METTL15: variants seen among roughly 807,000 people sequenced by gnomAD.
METTL15 encodes the protein methyltransferase 15, mitochondrial 12S rRNA N4-cytidine.
METTL15 carries 34 observed loss-of-function variants against 38.3 expected under a neutral mutation model. That is an observed-to-expected ratio of 0.89 (90% CI 0.68 to 1.18). The LOEUF (loss-of-function observed/expected upper bound fraction) is 1.18. Among genes scored for constraint, METTL15 ranks in the 50% most tolerant of loss-of-function variants. The pLI, the probability that METTL15 is intolerant of heterozygous loss-of-function variation, is 0.00. For missense variants in METTL15, 438 were observed against 498.4 expected, an observed-to-expected ratio of 0.88 and a Z score of 1.15; for synonymous variants, 162 against 170.9, an observed-to-expected ratio of 0.95 and a Z score of 0.41.
chr11:28,289,561 A>G (rs1285157061), intron 4 of METTL15, among the ~76,000 whole-genome samples: 1 of 152,170 alleles, frequency 6.6e-6, no homozygotes, highest in Non-Finnish European at 1.5e-5. Context: ...TGTAGGAAGA[A>G]GAATTAGTAT....
At chr11:28,226,718 T>C (rs2133874916) in intron 4 of METTL15, among the ~76,000 whole-genome samples, 1 of 152,018 alleles carries the variant, frequency 6.6e-6, no homozygotes, top group Admixed American at 6.6e-5. Context: ...GAGTCAAGAC[T>C]GAAACCCAAG....
chr11:28,349,360 T>C (rs116611694), intron 3 of METTL15, among the ~76,000 whole-genome samples: 1,910 of 152,296 alleles, frequency 0.013, 38 homozygotes, highest in African/African-American at 0.044. Flanking sequence ...CTGCCTTCCT[T>C]ATCTGGGCAG....
intron 5 of METTL15, among the ~76,000 whole-genome samples, chr11:28,387,898 G>A (rs1236292765): frequency 6.6e-6 from 1 of 152,072 alleles, no homozygotes; most frequent in African/African-American, 2.4e-5. Flanking sequence ...TTCAGCAAAT[G>A]AAAGTCAATT....
intron 4 of METTL15, among the ~76,000 whole-genome samples, chr11:28,226,881 T>C (rs1223838109): frequency 1.3e-5 from 2 of 151,920 alleles, no homozygotes; most frequent in Non-Finnish European, 2.9e-5. Context: ...TGTCATACAC[T>C]GTCAAAGTGA....
intron 4 of METTL15, among the ~76,000 whole-genome samples, chr11:28,228,446 T>C (rs1441539226): frequency 1.3e-5 from 2 of 151,992 alleles, no homozygotes; most frequent in African/African-American, 4.8e-5. Flanking sequence ...CTTAGAACAC[T>C]GTCTAGCATA....
intron 4 of METTL15, among the ~76,000 whole-genome samples, chr11:28,228,328 C>T (rs778683729): frequency 6.7e-6 from 1 of 149,428 alleles, no homozygotes; most frequent in African/African-American, 2.5e-5. Flanking sequence ...GCTATTTACT[C>T]ACTATAAAAC....
At chr11:28,322,993 T>C (rs553106819) in intron 6 of METTL15, among the ~76,000 whole-genome samples, 11 of 152,272 alleles carry the variant, frequency 7.2e-5, no homozygotes, top group Non-Finnish European at 1.5e-4. Context: ...AACTAAGTTG[T>C]AGATTATTTT....
chr11:28,286,447 TC>T (rs1266650459), intron 4 of METTL15, among the ~76,000 whole-genome samples: 1 of 152,154 alleles, frequency 6.6e-6, no homozygotes, highest in African/African-American at 2.4e-5. Context: ...AATTATGAGT[TC>T]CTTTTAGAAT....
intron 3 of METTL15, among the ~76,000 whole-genome samples, chr11:28,205,879 G>A (rs1224121725): frequency 6.7e-6 from 1 of 149,602 alleles, no homozygotes; most frequent in Non-Finnish European, 1.5e-5. Flanking sequence ...ATTTTTTCAT[G>A]TGTTTTTTGG....
At chr11:28,174,262 G>A (rs1240824227) in intron 3 of METTL15, among the ~76,000 whole-genome samples, 2 of 150,520 alleles carry the variant, frequency 1.3e-5, no homozygotes, top group East Asian at 2.0e-4. Flanking sequence ...ACTTAAGAAC[G>A]ATTGTTTTTG....
intron 6 of METTL15, among the ~76,000 whole-genome samples, chr11:28,430,942 G>A (rs1850920348): frequency 9.0e-6 from 1 of 110,738 alleles, no homozygotes; most frequent in Admixed American, 9.0e-5. Context: ...CCCCGTCCGG[G>A]AGGTGAGGGG....
intron 4 of METTL15, among the ~76,000 whole-genome samples, chr11:28,249,632 T>G (rs975827948): frequency 6.6e-6 from 1 of 151,976 alleles, no homozygotes; most frequent in African/African-American, 2.4e-5. Context: ...CTTCTCAGTA[T>G]GTATATCGTG....
chr11:28,434,841 T>C (rs998809964), intron 6 of METTL15, among the ~76,000 whole-genome samples: 18 of 151,906 alleles, frequency 1.2e-4, no homozygotes, highest in African/African-American at 3.4e-4. Flanking sequence ...CTAGAACAAC[T>C]TGGCTCTCTT....
intron 4 of METTL15, among the ~76,000 whole-genome samples, chr11:28,223,447 A>G (rs1853336304): frequency 1.3e-5 from 2 of 152,202 alleles, no homozygotes; most frequent in South Asian, 4.1e-4. Flanking sequence ...AGTTGGTTGA[A>G]AGGATGCATA....
chr11:28,238,658 G>C (rs1854141238), intron 4 of METTL15, among the ~76,000 whole-genome samples: 1 of 152,196 alleles, frequency 6.6e-6, no homozygotes. Flanking sequence ...GATGAACCCG[G>C]TACCTCAGAT....
chr11:28,194,113 T>C (rs1851799335), intron 3 of METTL15, among the ~76,000 whole-genome samples: 1 of 150,722 alleles, frequency 6.6e-6, no homozygotes, highest in African/African-American at 2.4e-5. Context: ...TTACTTGCTT[T>C]GATGGTTGAT....
At chr11:28,452,280 A>G (rs150295293) in intron 6 of METTL15, among the ~76,000 whole-genome samples, 47 of 152,280 alleles carry the variant, frequency 3.1e-4, no homozygotes, top group African/African-American at 1.1e-3. Context: ...GTCCAATATC[A>G]TTTACTGCAT....
intron 3 of METTL15, among the ~76,000 whole-genome samples, chr11:28,156,958 T>C (rs1850284670): frequency 6.6e-6 from 1 of 152,206 alleles, no homozygotes; most frequent in South Asian, 2.1e-4. Context: ...TTGTTTAATC[T>C]GTGATAGATA....
At chr11:28,194,772 CAG>C (rs1262555629) in intron 3 of METTL15, among the ~76,000 whole-genome samples, 1 of 151,490 alleles carries the variant, frequency 6.6e-6, no homozygotes, top group East Asian at 1.9e-4. Context: ...GGTGAAGTCT[CAG>C]AGTTTAGTGT....
Sources: gnomAD v4.1 joint callset for allele counts (sites outside exome capture counted in the v4.1 genomes callset) on GRCh38, gnomAD v4.1.1 for gene constraint, MANE v1.5 for transcripts, NCBI Gene and HGNC (gene_info 2026-07-23, HGNC 2026-07-21) for gene names.